Variants in C10orf90 observed in about 807,000 individuals in gnomAD.
The protein encoded by C10orf90 is chromosome 10 open reading frame 90.
A neutral mutation model predicts 62.5 loss-of-function variants in C10orf90; 56 were observed. The ratio of observed to expected loss-of-function variants is 0.90; its 90% CI spans 0.72 to 1.12. C10orf90 has a LOEUF of 1.12. Among genes scored for constraint, C10orf90 ranks in the 50% most tolerant of loss-of-function variants. The pLI is 0.00. For missense variants in C10orf90, 970 were observed against 880.4 expected, an observed-to-expected ratio of 1.10 and a Z score of -1.29; for synonymous variants, 386 against 340.4, an observed-to-expected ratio of 1.13 and a Z score of -1.47.
At chr10:126,500,556 T>G (rs749553390) in intron 4 of C10orf90, among the ~76,000 whole-genome samples, 3 of 152,170 alleles carry the variant, frequency 2.0e-5, no homozygotes, top group Non-Finnish European at 4.4e-5. Context: ...AGAATGGGGA[T>G]TAAATTTTTT....
At position 126,636,403 on chromosome 10, in the gene C10orf90, G is replaced by A. The variant is rs74158851; in HGVS notation, c.313+10162C>T. Among the ~76,000 whole-genome samples the A allele has an allele frequency of 3.6e-3, 541 of 152,182 alleles. 4 individuals are homozygous for A. Among genetic ancestry groups the A allele is most frequent in the African/African-American group, 0.013 (529 of 41,510 alleles). ...TGAAAAAGAAGAGAGAGGCAAGCAG[G>A]TTAGGAGGTAATTCGTTCCAAAAAA... On this transcript the variant is annotated intron_variant, in intron 2 of 9. Transcript: ENST00000488181.
intron 4 of C10orf90, among the ~76,000 whole-genome samples, chr10:126,479,903 C>T (rs896288908): frequency 3.3e-5 from 5 of 152,174 alleles, no homozygotes; most frequent in African/African-American, 7.2e-5. Flanking sequence ...AAATTGGTTT[C>T]GATGTGGGAT....
intron 4 of C10orf90, among the ~76,000 whole-genome samples, chr10:126,500,348 G>A (rs1186500242): frequency 1.3e-5 from 2 of 152,148 alleles, no homozygotes; most frequent in Non-Finnish European, 2.9e-5. Context: ...AATTGGCCAC[G>A]TGGACTTGGG....
rs530995948 is a variant in C10orf90, at chr10:126,655,578, C to G, written c.241-8941G>C. Reference sequence around the variant, plus strand: ...AATGAGCTGTACTTGACAATGTGAGCTGATGATTCTAGAACTGAGTCCATT... The same window carrying G: ...AATGAGCTGTACTTGACAATGTGAGGTGATGATTCTAGAACTGAGTCCATT... On this transcript the variant is annotated intron_variant, in intron 1 of 9. Coordinates refer to ENST00000488181, the MANE Select transcript of C10orf90 (RefSeq NM_001350921.2). 5.9e-5 allele frequency among the ~76,000 whole-genome samples: 9 copies of G among 152,250 alleles called. No individual in the cohort carries two copies. In the South Asian group the frequency reaches 1.9e-3, roughly 32 times the overall value.
chr10:126,557,052 A>G (rs1341554411), intron 2 of C10orf90, among the ~76,000 whole-genome samples: 1 of 150,798 alleles, frequency 6.6e-6, no homozygotes, highest in Non-Finnish European at 1.5e-5. Context: ...TTACTTTTGC[A>G]CCAACCTAAT....
chr10:126,425,893 C>T lies in C10orf90; in HGVS notation c.2362G>A (p.Asp788Asn). Residue 788 changes from aspartate to asparagine, a missense_variant, in exon 10 of 10, where the codon GAC (aspartate) becomes AAC (asparagine). Asp to Asn is a conservative substitution (Grantham distance 23). Coordinates refer to ENST00000488181, the MANE Select transcript of C10orf90 (RefSeq NM_001350921.2). ...ACCGCATTCCTTTGAAGGAGCTGGT[C>T]CAGTAATTGCTAGAGGAAAAGGGAA... ...RAEVFKKQLL[D>N]QLLQRNAV is the part of the protein sequence containing the mutation. 6.2e-7 allele frequency: 1 copy of T among 1,614,056 alleles called. No homozygotes were observed. The highest frequency in any genetic ancestry group is 8.5e-7 in the Non-Finnish European group (1 of 1,180,002).
At chr10:126,500,508 A>AGAT (rs1324157969) in intron 4 of C10orf90, among the ~76,000 whole-genome samples, 1 of 152,202 alleles carries the variant, frequency 6.6e-6, no homozygotes, top group Admixed American at 6.5e-5. Context: ...GTTATGAATA[A>AGAT]GATGATGATG....
At chr10:126,556,218 A>G (rs1387924646) in intron 2 of C10orf90, among the ~76,000 whole-genome samples, 14 of 152,218 alleles carry the variant, frequency 9.2e-5, no homozygotes, top group Admixed American at 7.2e-4. Context: ...ATCAAGACAA[A>G]GAAATGGTAT....
chr10:126,623,141 G>T (rs960093591), intron 2 of C10orf90, among the ~76,000 whole-genome samples: 1 of 152,124 alleles, frequency 6.6e-6, no homozygotes. Context: ...CTTCAGAGGA[G>T]TGTTTTAAAA....
chr10:126,463,606 C>T (rs1242962092), intron 5 of C10orf90, among the ~76,000 whole-genome samples: 1 of 152,210 alleles, frequency 6.6e-6, no homozygotes. Context: ...TTCCTCCTGT[C>T]CCAGCCACTT....
intron 2 of C10orf90, among the ~76,000 whole-genome samples, chr10:126,548,004 G>C (rs1354205639): frequency 6.6e-6 from 1 of 152,034 alleles, no homozygotes; most frequent in Non-Finnish European, 1.5e-5. Flanking sequence ...AATTTGAAAA[G>C]AGACCAAAAC....
chr10:126,475,769 G>T, intron 4 of C10orf90, among the ~76,000 whole-genome samples: 1 of 152,196 alleles, frequency 6.6e-6, no homozygotes, highest in Non-Finnish European at 1.5e-5. Context: ...GAACAAAATT[G>T]AAGAGTCAAT....
chr10:126,442,231 C>T (rs989370029), intron 7 of C10orf90, among the ~76,000 whole-genome samples: 1 of 151,330 alleles, frequency 6.6e-6, no homozygotes, highest in African/African-American at 2.4e-5. Flanking sequence ...TGCAAATGGA[C>T]ACCAAAAGCA....
At position 126,456,344 on chromosome 10, in the gene C10orf90, G is replaced by A. The variant is rs1859575956; in HGVS notation, c.2188+2696C>T. 6.6e-6 allele frequency among the ~76,000 whole-genome samples: 1 copy of A among 152,166 alleles called. No homozygotes were observed. Among genetic ancestry groups the A allele is most frequent in the African/African-American group, 2.4e-5 (1 of 41,434 alleles). On this transcript the variant is annotated intron_variant, in intron 7 of 9. Coordinates refer to ENST00000488181, the MANE Select transcript of C10orf90 (RefSeq NM_001350921.2). This position sits in a 1 kb window ranked among gnomAD's most constrained non-coding sequence, Gnocchi z 4.9. ...CACATAAATACGGCAGGGATGGTCA[G>A]GGTGGCCATAAAACCCACGTTGGCC...
At chr10:126,627,711 C>T (rs1845774027) in intron 2 of C10orf90, among the ~76,000 whole-genome samples, 1 of 152,122 alleles carries the variant, frequency 6.6e-6, no homozygotes, top group African/African-American at 2.4e-5. Flanking sequence ...CTCTTGTCTC[C>T]TCAGCAAAAA....
intron 1 of C10orf90, among the ~76,000 whole-genome samples, chr10:126,652,563 G>A (rs1222780924): frequency 1.3e-5 from 2 of 152,190 alleles, no homozygotes; most frequent in East Asian, 1.9e-4. Context: ...TCCCCTGGCT[G>A]TCTAATGAGA....
In C10orf90 at chr10:126,470,758, A is replaced by C. The variant is rs111374667; in HGVS notation, c.1535-5772T>G. On this transcript the variant is annotated intron_variant, in intron 4 of 9. Coordinates refer to ENST00000488181, the MANE Select transcript of C10orf90 (RefSeq NM_001350921.2). ...GAACGAGACTCTGTCTCAAAAAAAA[A>C]AAAAATACAGAAAGGAAGAAGAAAA... 6.7e-3 allele frequency among the ~76,000 whole-genome samples: 1,023 copies of C among 152,230 alleles called. 15 individuals are homozygous for C. The highest frequency in any genetic ancestry group is 0.023 in the African/African-American group (968 of 41,536).
At chr10:126,468,560 G>A (rs1207624912) in intron 4 of C10orf90, among the ~76,000 whole-genome samples, 1 of 152,172 alleles carries the variant, frequency 6.6e-6, no homozygotes, top group African/African-American at 2.4e-5. Flanking sequence ...GGCAGGGCTG[G>A]CATGTGTCCG....
chr10:126,607,609 G>A (rs922477142), intron 2 of C10orf90, among the ~76,000 whole-genome samples: 7 of 152,050 alleles, frequency 4.6e-5, no homozygotes, highest in Non-Finnish European at 1.0e-4. Flanking sequence ...CTTTTCTGAC[G>A]AGTTCAGTGG....
Sources: gnomAD v4.1 joint callset for allele counts (sites outside exome capture counted in the v4.1 genomes callset) on GRCh38, gnomAD v4.1.1 for gene constraint, Gnocchi (gnomAD v3.1) non-coding constraint, MANE v1.5 for transcripts, NCBI Gene and HGNC (gene_info 2026-07-23, HGNC 2026-07-21) for gene names.